Variants in BLTP1 observed in about 807,000 individuals in gnomAD.
The protein encoded by BLTP1 is fragile site-associated protein.
chr4:122,188,947 C>A, the BLTP1 span: 1 of 985,106 alleles, frequency 1.0e-6, no homozygotes, highest in Non-Finnish European at 1.2e-6. Flanking sequence ...GAGGGTTTTT[C>A]CTTTTTGAGT....
chr4:122,222,015 A>AAAT, the BLTP1 span: 1 of 493,946 alleles, frequency 2.0e-6, no homozygotes. Flanking sequence ...ACTGAATTAT[A>AAAT]AAGTATGACT....
At chr4:122,246,075 A>C in the BLTP1 span, 2 of 1,433,862 alleles carry the variant, frequency 1.4e-6, no homozygotes, top group South Asian at 3.5e-5. Flanking sequence ...GGGCAGCGTG[A>C]ATAAGTGAGT....
the BLTP1 span, chr4:122,171,946 T>C: frequency 5.1e-6 from 5 of 984,916 alleles, no homozygotes; most frequent in East Asian, 5.7e-4. Context: ...AGCAAATGCC[T>C]GTTGCCATTC....
chr4:122,328,420 G>A, the BLTP1 span: 1 of 1,433,728 alleles, frequency 7.0e-7, no homozygotes, highest in Non-Finnish European at 9.6e-7. Flanking sequence ...AGCACAAAAT[G>A]TTATATATAA....
the BLTP1 span, chr4:122,293,278 A>G: frequency 1.7e-6 from 1 of 592,550 alleles, no homozygotes; most frequent in Non-Finnish European, 2.1e-6. Flanking sequence ...ACTCTCACAC[A>G]GAGGAATGAA....
At chr4:122,156,179 G>C in the BLTP1 span, 19,274 of 153,744 alleles carry the variant, frequency 0.13, 1,733 homozygotes, top group African/African-American at 0.26. Flanking sequence ...TGTCATTAGT[G>C]AGTTGTATAT....
chr4:122,199,497 T>C, the BLTP1 span: 1 of 1,459,906 alleles, frequency 6.8e-7, no homozygotes, highest in South Asian at 1.2e-5. Flanking sequence ...TGAAAAACAA[T>C]TGATTTTAAT....
the BLTP1 span, among the ~76,000 whole-genome samples, chr4:122,203,196 A>G: frequency 1.3e-5 from 2 of 151,892 alleles, no homozygotes; most frequent in Non-Finnish European, 1.5e-5. Flanking sequence ...GGAATGCCTA[A>G]TGTTCCTGAA....
At chr4:122,274,225 C>G in the BLTP1 span, 2 of 677,826 alleles carry the variant, frequency 3.0e-6, no homozygotes, top group African/African-American at 1.9e-5. Flanking sequence ...ACAAAATTTA[C>G]CATAACTTTA....
the BLTP1 span, chr4:122,249,894 G>A: frequency 2.0e-6 from 2 of 984,938 alleles, no homozygotes; most frequent in African/African-American, 3.5e-5. Context: ...AGTAGGTAGA[G>A]CTTGAAAAAC....
the BLTP1 span, chr4:122,226,947 T>G: frequency 1.4e-6 from 1 of 729,756 alleles, no homozygotes; most frequent in Non-Finnish European, 1.9e-6. Context: ...CAAACTACAG[T>G]TTTTTCAGTT....
chr4:122,315,275 G>A, the BLTP1 span: 16 of 308,496 alleles, frequency 5.2e-5, no homozygotes, highest in Admixed American at 2.6e-4. Context: ...AAGAAAATAG[G>A]TGCTATACAG....
At chr4:122,220,590 A>G in the BLTP1 span, 5 of 799,802 alleles carry the variant, frequency 6.3e-6, no homozygotes, top group Admixed American at 6.5e-5. Context: ...GAGACTTTTA[A>G]GTTAACTGTA....
the BLTP1 span, chr4:122,331,223 A>C: frequency 6.9e-7 from 1 of 1,445,616 alleles, no homozygotes; most frequent in Non-Finnish European, 9.1e-7. Flanking sequence ...CAAAATAGTA[A>C]AATTTATTTA....
the BLTP1 span, chr4:122,246,438 G>A: frequency 9.5e-7 from 1 of 1,049,786 alleles, no homozygotes; most frequent in African/African-American, 1.6e-5. Flanking sequence ...ATGATCTAAT[G>A]TAGATCTAAT....
At chr4:122,362,259 G>A in the BLTP1 span, 1 of 1,602,322 alleles carries the variant, frequency 6.2e-7, no homozygotes, top group Non-Finnish European at 8.5e-7. Context: ...AAAGTAATTT[G>A]ATCTGTGAAC....
the BLTP1 span, chr4:122,251,028 G>A: frequency 5.1e-6 from 5 of 985,054 alleles, no homozygotes; most frequent in Non-Finnish European, 4.8e-6. Flanking sequence ...TTTTATTATG[G>A]TAGAATTACA....
chr4:122,254,321 A>G, the BLTP1 span: 1 of 1,610,888 alleles, frequency 6.2e-7, no homozygotes, highest in Non-Finnish European at 8.5e-7. Flanking sequence ...CACCAATGTG[A>G]GATCTCACAC....
the BLTP1 span, chr4:122,259,988 A>C: frequency 1.0e-4 from 78 of 761,016 alleles, no homozygotes; most frequent in Middle Eastern, 6.8e-3. Context: ...ATATATAGTC[A>C]TGCATCACTT....
Sources: gnomAD v4.1 joint callset for allele counts (sites outside exome capture counted in the v4.1 genomes callset) on GRCh38, gnomAD v4.1.1 for gene constraint, MANE v1.5 for transcripts, NCBI Gene and HGNC (gene_info 2026-07-23, HGNC 2026-07-21) for gene names.